Variants in SLIT2 observed in about 807,000 individuals in gnomAD.
SLIT2 encodes slit homolog 2 protein.
Under a neutral mutation model 185.7 loss-of-function variants are expected in SLIT2, and 41 were observed. The ratio of observed to expected loss-of-function variants is 0.22; its 90% confidence interval spans 0.17 to 0.29. SLIT2 has a LOEUF of 0.29. Among genes scored for constraint, SLIT2 ranks in the 10% least tolerant of loss-of-function variants. The pLI, the probability that SLIT2 is intolerant of heterozygous loss-of-function variation, is 1.00. For synonymous variants in SLIT2, 693 were observed against 680.2 expected (o/e 1.02, Z -0.29); for missense variants, 1,571 against 1,909.0 (o/e 0.82, Z 3.30).
At chr4:20,588,451 A>C (rs1455860895) in intron 29 of SLIT2, among the ~76,000 whole-genome samples, 1 of 152,202 alleles carries the variant, frequency 6.6e-6, no homozygotes, top group Non-Finnish European at 1.5e-5. Context: ...ACAAGCCTGA[A>C]ATTTTAACCG....
chr4:20,490,865 C>T (rs955284062), intron 8 of SLIT2: 4 of 1,409,484 alleles, frequency 2.8e-6, no homozygotes, highest in Non-Finnish European at 3.9e-6. Flanking sequence ...AGTTTAAGAG[C>T]TTGTTTAGAG....
At chr4:20,613,028 A>C (rs904357435) in intron 34 of SLIT2, among the ~76,000 whole-genome samples, 4 of 152,216 alleles carry the variant, frequency 2.6e-5, no homozygotes, top group Non-Finnish European at 4.4e-5. Context: ...GTTGTGGAGA[A>C]AAAGGAACAC....
At chr4:20,350,134 C>G (rs1721744238) in intron 4 of SLIT2, among the ~76,000 whole-genome samples, 1 of 152,056 alleles carries the variant, frequency 6.6e-6, no homozygotes, top group South Asian at 2.1e-4. Flanking sequence ...GATTGCAAAC[C>G]CTCTGAAGTT....
At chr4:20,457,451 A>G (rs1382381458) in intron 4 of SLIT2, among the ~76,000 whole-genome samples, 1 of 152,014 alleles carries the variant, frequency 6.6e-6, no homozygotes. Flanking sequence ...CCAAGCAGAG[A>G]GAGAAGCATG....
chr4:20,595,942 T>A, intron 31 of SLIT2, 108 bp downstream of exon 31: 1 of 949,478 alleles, frequency 1.1e-6, no homozygotes, highest in Non-Finnish European at 1.6e-6. Context: ...TAAAAGAGTA[T>A]AACTGGATTG....
At chr4:20,317,028 T>G (rs1353693220) in intron 4 of SLIT2, among the ~76,000 whole-genome samples, 2 of 146,024 alleles carry the variant, frequency 1.4e-5, no homozygotes, top group East Asian at 2.3e-4. Flanking sequence ...ATATTTTGAC[T>G]GTTTGAAAGA....
chr4:20,252,581 C>T lies in SLIT2; in HGVS notation c.-1235C>T, dbSNP rs1238299643. On this transcript the variant is annotated 5_prime_UTR_variant, in exon 1 of 37. Coordinates refer to ENST00000504154, the MANE Select transcript of SLIT2 (RefSeq NM_004787.4). ...AGGACGAACCACTAGTGGGAGACCG[C>T]CGGGGGCCGGCCGTGGCTCTGCGCC... is the stretch of plus-strand genomic sequence containing the variant. Among the ~76,000 whole-genome samples the T allele has an allele frequency of 6.6e-6, 1 of 152,240 alleles. No individual in the cohort carries two copies. The highest frequency in any genetic ancestry group is 2.4e-5 in the African/African-American group (1 of 41,482).
chr4:20,608,241 A>C (rs1560236408), intron 33 of SLIT2, among the ~76,000 whole-genome samples: 2 of 152,086 alleles, frequency 1.3e-5, no homozygotes, highest in Non-Finnish European at 2.9e-5. Flanking sequence ...CTGAAGAGAA[A>C]ACTGAAATAT....
At chr4:20,371,524 C>T (rs1008351391) in intron 4 of SLIT2, among the ~76,000 whole-genome samples, 1 of 152,096 alleles carries the variant, frequency 6.6e-6, no homozygotes, top group African/African-American at 2.4e-5. Context: ...GGCCGCTCTG[C>T]TCTCCACTCC....
intron 29 of SLIT2, chr4:20,569,371 C>T (rs1577943803): frequency 4.5e-6 from 1 of 224,414 alleles, no homozygotes. Context: ...ATAGCCAAAA[C>T]ATAATTAAGC....
chr4:20,283,754 TTAAA>T (rs1375046609), intron 4 of SLIT2, among the ~76,000 whole-genome samples: 1 of 152,208 alleles, frequency 6.6e-6, no homozygotes, highest in Non-Finnish European at 1.5e-5. Flanking sequence ...AAGCTTGATA[TTAAA>T]TAAACAATAT....
At chr4:20,406,513 A>G (rs369526246) in intron 4 of SLIT2, among the ~76,000 whole-genome samples, 1 of 144,142 alleles carries the variant, frequency 6.9e-6, no homozygotes, top group Non-Finnish European at 1.5e-5. Flanking sequence ...GGCACTCAAA[A>G]TGAGAATATA....
intron 4 of SLIT2, among the ~76,000 whole-genome samples, chr4:20,400,580 A>G (rs1460025549): frequency 6.6e-6 from 1 of 151,700 alleles, no homozygotes; most frequent in African/African-American, 2.4e-5. Context: ...AACTTAGAGC[A>G]AACTATGGAC....
Position 20,441,726 on chromosome 4 carries a change from A to C in SLIT2, c.396-26026A>C, listed in dbSNP as rs557285022. Among the ~76,000 whole-genome samples the C allele has an allele frequency of 3.3e-5, 5 of 152,262 alleles. No homozygotes were observed. The South Asian group carries it at 1.0e-3, about 32-fold the overall frequency. On this transcript the variant is annotated intron_variant, in intron 4 of 36. Transcript: ENST00000504154. Reference sequence around the variant, plus strand: ...CAAGATCCAGAAAGGCTTTGTAAACATGGGTCCTACCTGCACACAAGTCAG... The same window carrying C: ...CAAGATCCAGAAAGGCTTTGTAAACCTGGGTCCTACCTGCACACAAGTCAG...
chr4:20,261,807 C>T (rs745548206), intron 3 of SLIT2, among the ~76,000 whole-genome samples: 2 of 151,892 alleles, frequency 1.3e-5, no homozygotes, highest in East Asian at 1.9e-4. Flanking sequence ...TGTGTGAACA[C>T]CGCAACCATC....
At chr4:20,473,666 A>C (rs1460295547) in intron 5 of SLIT2, among the ~76,000 whole-genome samples, 1 of 151,984 alleles carries the variant, frequency 6.6e-6, no homozygotes, top group Non-Finnish European at 1.5e-5. Context: ...TCTATCCCAG[A>C]GGCACAGAGC....
intron 4 of SLIT2, among the ~76,000 whole-genome samples, chr4:20,408,524 A>T (rs1254679505): frequency 8.3e-6 from 1 of 120,042 alleles, no homozygotes; most frequent in East Asian, 2.1e-4. Flanking sequence ...TGCAGGACGA[A>T]ATTTCAGTTT....
intron 9 of SLIT2, among the ~76,000 whole-genome samples, chr4:20,492,651 C>T (rs1717882969): frequency 6.6e-6 from 1 of 152,208 alleles, no homozygotes; most frequent in Non-Finnish European, 1.5e-5. Flanking sequence ...AACCACCCAG[C>T]CCATTATATT....
chr4:20,491,765 C>T lies in SLIT2; in HGVS notation c.780C>T (p.His260=). 6.2e-7 allele frequency: 1 copy of T among 1,609,164 alleles called. No individual in the cohort carries two copies. Among genetic ancestry groups the T allele is most frequent in the Non-Finnish European group, 8.5e-7 (1 of 1,177,946 alleles). Reference sequence around the variant, plus strand: ...TCCTGTTTATTTCTTTTTTAGGTCACCAGTCATTTATGGCTCCTTCTTGTA... The same window carrying T: ...TCCTGTTTATTTCTTTTTTAGGTCATCAGTCATTTATGGCTCCTTCTTGTA... The part of the protein sequence containing the change: ...VQKREFVCSG[H]QSFMAPSCSV... Residue 260 remains histidine (H), a synonymous_variant, in exon 9 of 37, where the codon CAC becomes CAT. Coordinates refer to ENST00000504154, the MANE Select transcript of SLIT2 (RefSeq NM_004787.4).
Sources: allele counts gnomAD v4.1 joint callset (sites outside exome capture counted in the v4.1 genomes callset), GRCh38; gene constraint gnomAD v4.1.1; transcripts MANE v1.5; gene names NCBI Gene and HGNC (gene_info 2026-07-23, HGNC 2026-07-21).